The following VPS41 variants were observed in gnomAD, a reference collection of about 807,000 sequenced individuals.
The protein encoded by VPS41 is vacuolar protein sorting-associated protein 41 homolog.
VPS41 carries 85 observed loss-of-function variants against 130.9 expected under a neutral mutation model. The ratio of observed to expected loss-of-function variants is 0.65; its 90% confidence interval spans 0.55 to 0.78. The LOEUF (loss-of-function observed/expected upper bound fraction) is 0.78. Among genes scored for constraint, VPS41 ranks in the 30% least tolerant of loss-of-function variants. VPS41 has a pLI of 0.00. For missense variants in VPS41, 874 were observed against 1,018.7 expected, an observed-to-expected ratio of 0.86 and a Z score of 1.93; for synonymous variants, 335 against 332.9, an observed-to-expected ratio of 1.01 and a Z score of -0.07.
chr7:38,789,741 T>C, intron 10 of VPS41, 60 bp downstream of exon 10: 2 of 1,575,414 alleles, frequency 1.3e-6, no homozygotes, highest in African/African-American at 1.4e-5. Flanking sequence ...GTGAGATTAA[T>C]GAAGACGAAA....
intron 5 of VPS41, 92 bp downstream of exon 5, chr7:38,830,162 T>C: frequency 1.3e-6 from 1 of 795,266 alleles, no homozygotes; most frequent in Non-Finnish European, 2.2e-6. Flanking sequence ...ATCAAGATTG[T>C]CTTAATGCAG....
chr7:38,732,714 G>A (rs887871977), intron 25 of VPS41, among the ~76,000 whole-genome samples: 1 of 152,108 alleles, frequency 6.6e-6, no homozygotes, highest in Non-Finnish European at 1.5e-5. Context: ...CTGCCCTCAC[G>A]TAATGCTGGT....
At chr7:38,802,292 C>A (rs1361752790) in intron 7 of VPS41, among the ~76,000 whole-genome samples, 1 of 152,166 alleles carries the variant, frequency 6.6e-6, no homozygotes, top group Non-Finnish European at 1.5e-5. Context: ...CTTCTCCAGG[C>A]TCTCTCGCAT....
intron 2 of VPS41, among the ~76,000 whole-genome samples, chr7:38,870,123 G>C (rs1239847641): frequency 6.6e-6 from 1 of 152,144 alleles, no homozygotes; most frequent in Non-Finnish European, 1.5e-5. Context: ...GCCACTGCCG[G>C]GGGTAGGGAA....
chr7:38,855,326 G>C (rs959916555), intron 4 of VPS41, among the ~76,000 whole-genome samples: 1 of 151,250 alleles, frequency 6.6e-6, no homozygotes, highest in Non-Finnish European at 1.5e-5. Context: ...GAAGGAAAAT[G>C]ATCATTTCTT....
intron 7 of VPS41, among the ~76,000 whole-genome samples, chr7:38,798,539 G>T (rs915833452): frequency 6.6e-6 from 1 of 152,074 alleles, no homozygotes; most frequent in African/African-American, 2.4e-5. Context: ...GTGATCCACC[G>T]GTCTTGGCCT....
chr7:38,794,661 A>G (rs1015801395), intron 9 of VPS41, among the ~76,000 whole-genome samples: 2 of 152,204 alleles, frequency 1.3e-5, no homozygotes, highest in African/African-American at 4.8e-5. Context: ...GAGGATCCCA[A>G]AGGAAAATGG....
At chr7:38,742,181 G>A (rs140912692) in intron 24 of VPS41, 60 bp from the exon 25 acceptor site, 5 of 1,476,956 alleles carry the variant, frequency 3.4e-6, no homozygotes, top group African/African-American at 1.4e-5. Flanking sequence ...AATTTTATTT[G>A]CACATAATTT....
At chr7:38,751,564 C>T (rs971852180) in intron 22 of VPS41, among the ~76,000 whole-genome samples, 3 of 152,196 alleles carry the variant, frequency 2.0e-5, no homozygotes, top group Non-Finnish European at 2.9e-5. Context: ...ATGCAACACA[C>T]ATTTAGTAAA....
At chr7:38,884,844 C>T (rs1484332570) in intron 2 of VPS41, among the ~76,000 whole-genome samples, 1 of 152,204 alleles carries the variant, frequency 6.6e-6, no homozygotes, top group African/African-American at 2.4e-5. Context: ...AAACACTTCA[C>T]TTGCTATTTG....
intron 4 of VPS41, among the ~76,000 whole-genome samples, chr7:38,841,156 G>C (rs934267328): frequency 3.3e-5 from 5 of 152,152 alleles, no homozygotes; most frequent in African/African-American, 1.2e-4. Flanking sequence ...AAAAAAGAAA[G>C]AATTTTTGGG....
chr7:38,900,487 A>G (rs1787118372), intron 1 of VPS41, among the ~76,000 whole-genome samples: 1 of 152,210 alleles, frequency 6.6e-6, no homozygotes, highest in Non-Finnish European at 1.5e-5. Context: ...AGAGTTCACC[A>G]CTATGCAATA....
intron 22 of VPS41, among the ~76,000 whole-genome samples, chr7:38,751,370 G>A (rs189510411): frequency 3.9e-5 from 6 of 152,348 alleles, no homozygotes; most frequent in Admixed American, 3.9e-4. Flanking sequence ...GTTAGTGGTA[G>A]ATGGTATTGA....
rs532204830 is a variant in VPS41 at position 38,725,981 on chromosome 7, A to G, written c.*265T>C. ...TTCTAACTCCTAGACTTATGTTTCC[A>G]TTACTATATAAAGAATGAGCCAAAC... On this transcript the variant is annotated 3_prime_UTR_variant, in exon 29 of 29. Coordinates refer to ENST00000310301, the MANE Select transcript of VPS41 (RefSeq NM_014396.4). 8.3e-6 allele frequency: 3 copies of G among 363,096 alleles called. No homozygotes were observed. The highest frequency in any genetic ancestry group is 5.2e-5 in the South Asian group (1 of 19,118). The allele number at this position is 363,096 out of a possible 1,614,324, so 22.5% of individuals were successfully genotyped here.
intron 7 of VPS41, among the ~76,000 whole-genome samples, chr7:38,803,337 C>T (rs929819139): frequency 6.6e-6 from 1 of 152,212 alleles, no homozygotes; most frequent in Non-Finnish European, 1.5e-5. Flanking sequence ...AATCACTTGG[C>T]TCCTTCAGGC....
chr7:38,845,127 A>G (rs893115539), intron 4 of VPS41, among the ~76,000 whole-genome samples: 9 of 152,168 alleles, frequency 5.9e-5, no homozygotes, highest in Non-Finnish European at 2.9e-5. Context: ...GTTAAACTTC[A>G]TCTTCTGCCT....
intron 10 of VPS41, among the ~76,000 whole-genome samples, chr7:38,784,685 A>G (rs1784408059): frequency 6.6e-6 from 1 of 152,026 alleles, no homozygotes; most frequent in African/African-American, 2.4e-5. Context: ...GGGGAAGAAT[A>G]TAAGAATACA....
chr7:38,777,188 T>C (rs1784275393), intron 10 of VPS41, among the ~76,000 whole-genome samples: 1 of 152,152 alleles, frequency 6.6e-6, no homozygotes, highest in Non-Finnish European at 1.5e-5. Context: ...GGCATTATAG[T>C]AGTACAAAGG....
chr7:38,864,881 T>C (rs927495484), intron 3 of VPS41, among the ~76,000 whole-genome samples: 9 of 152,064 alleles, frequency 5.9e-5, no homozygotes, highest in Non-Finnish European at 7.4e-5. Flanking sequence ...TACTACCAGA[T>C]TGGGCATCAT....
Sources: gnomAD v4.1 joint callset for allele counts (sites outside exome capture counted in the v4.1 genomes callset) on GRCh38, gnomAD v4.1.1 for gene constraint, MANE v1.5 for transcripts, NCBI Gene and HGNC (gene_info 2026-07-23, HGNC 2026-07-21) for gene names.